The following MAL2 variants were observed in gnomAD, a reference collection of about 807,000 sequenced individuals.
The protein encoded by MAL2 is protein MAL2.
Under a neutral mutation model 18.1 loss-of-function variants are expected in MAL2, and 17 were observed. The ratio of observed to expected loss-of-function variants is 0.94; its 90% CI spans 0.64 to 1.41. The LOEUF is 1.41. Ranked by LOEUF, MAL2 falls within the 40% of genes most tolerant of loss-of-function variation. MAL2 has a pLI of 0.00. For missense variants in MAL2, 222 were observed against 231.9 expected, an observed-to-expected ratio of 0.96 and a Z score of 0.28; for synonymous variants, 102 against 102.3, an observed-to-expected ratio of 1.00 and a Z score of 0.02.
At chr8:119,239,261 A>G (rs1410183414) in intron 2 of MAL2, among the ~76,000 whole-genome samples, 2 of 152,164 alleles carry the variant, frequency 1.3e-5, no homozygotes, top group African/African-American at 2.4e-5. Context: ...CAATCATTAA[A>G]AAGTCAGGAA....
At chr8:119,233,032 T>G (rs1357767955) in intron 2 of MAL2, among the ~76,000 whole-genome samples, 1 of 152,118 alleles carries the variant, frequency 6.6e-6, no homozygotes, top group Non-Finnish European at 1.5e-5. Context: ...TTGGAATAGG[T>G]GTGGTGCTGA....
At chr8:119,212,610 G>T (rs949794866) in intron 1 of MAL2, among the ~76,000 whole-genome samples, 1 of 152,200 alleles carries the variant, frequency 6.6e-6, no homozygotes, top group African/African-American at 2.4e-5. Flanking sequence ...AAAGTATTGT[G>T]GAACAGCAGG....
At chr8:119,218,894 G>A (rs562703128) in intron 1 of MAL2, among the ~76,000 whole-genome samples, 1 of 152,146 alleles carries the variant, frequency 6.6e-6, no homozygotes, top group Non-Finnish European at 1.5e-5. Context: ...ACTCAGAAGA[G>A]ATACTTAATG....
At chr8:119,222,978 G>T (rs1369141978) in intron 2 of MAL2, among the ~76,000 whole-genome samples, 1 of 152,134 alleles carries the variant, frequency 6.6e-6, no homozygotes, top group African/African-American at 2.4e-5. Flanking sequence ...TGACTCAGAG[G>T]ATCACAGTGC....
chr8:119,234,256 TA>T (rs532448152), intron 2 of MAL2, among the ~76,000 whole-genome samples: 1 of 152,034 alleles, frequency 6.6e-6, no homozygotes, highest in East Asian at 1.9e-4. Context: ...CAGACCGGCT[TA>T]AAAAACGGCG....
chr8:119,218,188 A>G (rs1291857273), intron 1 of MAL2, among the ~76,000 whole-genome samples: 1 of 152,040 alleles, frequency 6.6e-6, no homozygotes, highest in Admixed American at 6.6e-5. Flanking sequence ...CTAGGGATGT[A>G]TCATATGTAT....
chr8:119,215,405 A>G (rs1485298413), intron 1 of MAL2: 1 of 152,038 alleles, frequency 6.6e-6, no homozygotes, highest in African/African-American at 2.4e-5. Flanking sequence ...GTTTCCATTC[A>G]TTTCAAGGAG....
rs530119452 is a variant in MAL2, at chr8:119,233,229, C to G, written c.304-6936C>G. Among the ~76,000 whole-genome samples the G allele has an allele frequency of 2.4e-4, 36 of 152,036 alleles. No individual in the cohort carries two copies. In the Middle Eastern group the frequency reaches 0.017, roughly 72 times the overall value. Reference sequence around the variant, plus strand: ...CCCACAAGAGAAAGCAGGAAAGATCCAAAATTGACACCCTAACATCACAAT... The same window carrying G: ...CCCACAAGAGAAAGCAGGAAAGATCGAAAATTGACACCCTAACATCACAAT... On this transcript the variant is annotated intron_variant, in intron 2 of 3. Transcript: ENST00000614891.
At chr8:119,243,296 TG>T (rs1818085428) in intron 3 of MAL2, 120 bp from the exon 4 acceptor site, 1 of 584,896 alleles carries the variant, frequency 1.7e-6, no homozygotes, top group Non-Finnish European at 2.7e-6. Flanking sequence ...AAAATATTTT[TG>T]TAAGTGTCGA....
At chr8:119,243,069 G>A (rs1251398230) in intron 3 of MAL2, among the ~76,000 whole-genome samples, 1 of 152,172 alleles carries the variant, frequency 6.6e-6, no homozygotes, top group Admixed American at 6.5e-5. Flanking sequence ...GCCACTACAT[G>A]AACAGAACTT....
chr8:119,225,689 C>T (rs567843705), intron 2 of MAL2, among the ~76,000 whole-genome samples: 24 of 152,290 alleles, frequency 1.6e-4, no homozygotes, highest in Middle Eastern at 6.8e-3. Flanking sequence ...CCTGAGGAAT[C>T]GCCACACTGA....
chr8:119,233,909 T>C (rs1175105876), intron 2 of MAL2, among the ~76,000 whole-genome samples: 4 of 152,156 alleles, frequency 2.6e-5, no homozygotes, highest in Non-Finnish European at 5.9e-5. Context: ...TTGATGAACA[T>C]TGATGCAAAA....
Position 119,208,604 on chromosome 8 carries a change from T to C in MAL2, c.132T>C (p.Ile44=). 7.5e-7 allele frequency: 1 copy of C among 1,334,704 alleles called. No individual in the cohort carries two copies. The highest frequency in any genetic ancestry group is 9.6e-7 in the Non-Finnish European group (1 of 1,041,022). The allele number at this position is 1,334,704 out of a possible 1,614,324, so 82.7% of individuals were successfully genotyped here. A position where few individuals can be genotyped will look rare whatever the true frequency, so the allele number is the denominator to read the frequency against. ...TYSGAFVCLE[I]LFGGLVWILV... ...CGGGCGCCTTCGTCTGCCTGGAGAT[T>C]GTAAGTGGGGCCGCCGGAGCGAGGG... Residue 44 remains isoleucine (I), a splice_region_variant and synonymous_variant, in exon 1 of 4, where the codon ATT becomes ATC. Coordinates refer to ENST00000614891, the MANE Select transcript of MAL2 (RefSeq NM_052886.3). The surrounding 1 kb of genome is among the most constrained non-coding windows in gnomAD (Gnocchi z 4.3).
At chr8:119,220,596 G>A (rs991911752) in intron 1 of MAL2, among the ~76,000 whole-genome samples, 6 of 152,096 alleles carry the variant, frequency 3.9e-5, no homozygotes, top group East Asian at 3.9e-4. Flanking sequence ...GCACCTCCTC[G>A]CTCAGTCTCC....
chr8:119,233,241 C>G (rs1318680279), intron 2 of MAL2, among the ~76,000 whole-genome samples: 1 of 151,814 alleles, frequency 6.6e-6, no homozygotes, highest in Admixed American at 6.6e-5. Flanking sequence ...AAATTGACAC[C>G]CTAACATCAC....
At chr8:119,226,308 T>G (rs940912795) in intron 2 of MAL2, among the ~76,000 whole-genome samples, 1 of 152,024 alleles carries the variant, frequency 6.6e-6, no homozygotes, top group Non-Finnish European at 1.5e-5. Flanking sequence ...CTTGAATTAA[T>G]TTTTGTATAA....
chr8:119,240,309 G>A lies in MAL2; in HGVS notation c.448G>A (p.Val150Ile), dbSNP rs765848577. The A allele has an allele frequency of 2.7e-5, 44 of 1,612,906 alleles. No individual in the cohort carries two copies. Among genetic ancestry groups the A allele is most frequent in the East Asian group, 1.1e-4 (5 of 44,886 alleles). Residue 150 changes from valine to isoleucine, a missense_variant, in exon 3 of 4, where the codon GTA becomes ATA. Transcript: ENST00000614891. ...LLSDNQYNIN[V>I]AASIFAFMTT... is the part of the protein sequence containing the mutation. ...GAGTGATAACCAGTATAACATAAACGTAGCAGCCTCAGTAAGTATTCATAT... is the reference window on the plus strand; with the variant it reads ...GAGTGATAACCAGTATAACATAAACATAGCAGCCTCAGTAAGTATTCATAT...
chr8:119,231,215 G>A (rs375128207), intron 2 of MAL2, among the ~76,000 whole-genome samples: 10 of 152,036 alleles, frequency 6.6e-5, no homozygotes, highest in African/African-American at 2.4e-4. Flanking sequence ...TGTATTTTTA[G>A]TAGAGACAGG....
intron 2 of MAL2, among the ~76,000 whole-genome samples, chr8:119,227,030 G>A (rs554323846): frequency 6.6e-6 from 1 of 152,278 alleles, no homozygotes; most frequent in South Asian, 2.1e-4. Context: ...AGTCCACCAG[G>A]GGTTGGGAAT....
Sources: allele counts gnomAD v4.1 joint callset (sites outside exome capture counted in the v4.1 genomes callset), GRCh38; gene constraint gnomAD v4.1.1; non-coding constraint Gnocchi (gnomAD v3.1); transcripts MANE v1.5; gene names NCBI Gene and HGNC (gene_info 2026-07-23, HGNC 2026-07-21).